The following ZBTB20 variants were observed in gnomAD, a reference collection of about 807,000 sequenced individuals.
ZBTB20 encodes the protein zinc finger and BTB domain containing 20, also known as zinc finger and BTB domain-containing protein 20.
A neutral mutation model predicts 56.9 loss-of-function variants in ZBTB20; 9 were observed. That is an observed-to-expected ratio of 0.16 (90% CI 0.10 to 0.28). ZBTB20 has a LOEUF of 0.28. Among genes scored for constraint, ZBTB20 ranks in the 10% least tolerant of loss-of-function variants. The pLI is 1.00. For missense variants in ZBTB20, 655 were observed against 1,003.0 expected (o/e 0.65, Z 4.69); for synonymous variants, 417 against 420.7 (o/e 0.99, Z 0.11).
At chr3:114,762,519 G>A (rs531497635) in intron 5 of ZBTB20, among the ~76,000 whole-genome samples, 1 of 152,280 alleles carries the variant, frequency 6.6e-6, no homozygotes, top group South Asian at 2.1e-4. Context: ...TTTCTTTATG[G>A]AGGAGCTGCA....
At chr3:114,457,616 A>T (rs571458178) in intron 7 of ZBTB20, among the ~76,000 whole-genome samples, 2 of 152,296 alleles carry the variant, frequency 1.3e-5, no homozygotes, top group South Asian at 4.1e-4. Context: ...GGCTCATAAT[A>T]ATAATGATGG....
At chr3:114,596,397 T>C (rs536521047) in intron 6 of ZBTB20, among the ~76,000 whole-genome samples, 1 of 152,338 alleles carries the variant, frequency 6.6e-6, no homozygotes, top group East Asian at 1.9e-4. Flanking sequence ...CCTATTTTTA[T>C]ACGTAATGGG....
At chr3:114,686,545 G>C (rs2062353977) in intron 6 of ZBTB20, among the ~76,000 whole-genome samples, 1 of 152,062 alleles carries the variant, frequency 6.6e-6, no homozygotes, top group African/African-American at 2.4e-5. Flanking sequence ...TCTTCCCTTT[G>C]TGTATTGGGG....
chr3:114,924,196 C>T (rs2076066388), intron 3 of ZBTB20, among the ~76,000 whole-genome samples: 1 of 152,162 alleles, frequency 6.6e-6, no homozygotes, highest in South Asian at 2.1e-4. Context: ...AGCAAGCCCA[C>T]TTCTGGGTTT....
intron 4 of ZBTB20, among the ~76,000 whole-genome samples, chr3:114,881,186 T>C (rs1240947914): frequency 2.0e-5 from 3 of 152,228 alleles, no homozygotes; most frequent in South Asian, 2.1e-4. Flanking sequence ...TCAACTTTTC[T>C]AGCTGAATGG....
intron 6 of ZBTB20, among the ~76,000 whole-genome samples, chr3:114,585,144 C>T (rs1019212977): frequency 3.3e-5 from 5 of 151,990 alleles, no homozygotes; most frequent in Admixed American, 6.6e-5. Flanking sequence ...TTTCCTCAAA[C>T]AGAACGGCGA....
intron 6 of ZBTB20, among the ~76,000 whole-genome samples, chr3:114,598,085 C>T (rs1469505670): frequency 1.3e-5 from 2 of 152,102 alleles, no homozygotes; most frequent in Non-Finnish European, 2.9e-5. Context: ...CACAATTCAG[C>T]CAGGATCACA....
chr3:114,341,104 T>C (rs1483834638), intron 11 of ZBTB20, among the ~76,000 whole-genome samples: 3 of 152,240 alleles, frequency 2.0e-5, no homozygotes, highest in Admixed American at 6.5e-5. Context: ...TAAACAGATA[T>C]GTTTTGAAGC....
At chr3:115,054,690 A>G (rs568595760) in intron 2 of ZBTB20, among the ~76,000 whole-genome samples, 5 of 152,282 alleles carry the variant, frequency 3.3e-5, no homozygotes, top group African/African-American at 9.6e-5. Context: ...TACAAAATCA[A>G]CTGATTTGAC....
At chr3:114,407,225 T>C (rs1232905564) in intron 7 of ZBTB20, among the ~76,000 whole-genome samples, 1 of 152,206 alleles carries the variant, frequency 6.6e-6, no homozygotes, top group Non-Finnish European at 1.5e-5. Flanking sequence ...GAGACAATAC[T>C]GCTTGAATGC....
At chr3:115,061,698 A>C (rs2082016169) in intron 2 of ZBTB20, among the ~76,000 whole-genome samples, 1 of 152,216 alleles carries the variant, frequency 6.6e-6, no homozygotes, top group Non-Finnish European at 1.5e-5. Context: ...TTACAAGAGT[A>C]AATTAGAGTG....
At chr3:114,656,276 A>C (rs568279773) in intron 6 of ZBTB20, among the ~76,000 whole-genome samples, 2 of 152,120 alleles carry the variant, frequency 1.3e-5, no homozygotes, top group Admixed American at 1.3e-4. Context: ...TTTTCTTTGC[A>C]TATTTTTGTG....
chr3:114,694,052 AT>A (rs767733730), intron 5 of ZBTB20, among the ~76,000 whole-genome samples: 1 of 152,048 alleles, frequency 6.6e-6, no homozygotes, highest in Non-Finnish European at 1.5e-5. Flanking sequence ...TATTGTGGCA[AT>A]GGTGGGAGAA....
intron 7 of ZBTB20, among the ~76,000 whole-genome samples, chr3:114,455,184 C>T (rs936565963): frequency 1.3e-5 from 2 of 151,474 alleles, no homozygotes; most frequent in Admixed American, 6.6e-5. Flanking sequence ...AGAGGGAGAG[C>T]GGCACTGCCA....
chr3:114,817,675 A>C (rs2073020127), intron 4 of ZBTB20, among the ~76,000 whole-genome samples: 1 of 152,074 alleles, frequency 6.6e-6, no homozygotes, highest in South Asian at 2.1e-4. Context: ...ATGAACTAGA[A>C]AGTAAGTTCC....
At chr3:114,375,273 C>T (rs912523309) in intron 10 of ZBTB20, among the ~76,000 whole-genome samples, 2 of 152,170 alleles carry the variant, frequency 1.3e-5, no homozygotes, top group East Asian at 1.9e-4. Flanking sequence ...TTTTTAAACA[C>T]GGCACCATAG....
chr3:114,675,849 CCAA>C (rs36171027), intron 6 of ZBTB20, among the ~76,000 whole-genome samples: 92,414 of 151,684 alleles, frequency 0.61, 32,264 homozygotes, highest in East Asian at 0.81. Flanking sequence ...ATTTCAGTCA[CCAA>C]CAACAACAGC....
chr3:114,737,244 G>A (rs980091488), intron 5 of ZBTB20, among the ~76,000 whole-genome samples: 1 of 152,068 alleles, frequency 6.6e-6, no homozygotes, highest in Non-Finnish European at 1.5e-5. Flanking sequence ...ATTTAATGTA[G>A]AGAAACATTT....
chr3:114,512,445 T>C (rs187060067), intron 6 of ZBTB20, among the ~76,000 whole-genome samples: 21 of 152,208 alleles, frequency 1.4e-4, no homozygotes, highest in Admixed American at 5.9e-4. Context: ...TTTTGGAGAG[T>C]TTCTGTCTCT....
Sources: gnomAD v4.1 joint callset for allele counts (sites outside exome capture counted in the v4.1 genomes callset) on GRCh38, gnomAD v4.1.1 for gene constraint, MANE v1.5 for transcripts, NCBI Gene and HGNC (gene_info 2026-07-23, HGNC 2026-07-21) for gene names.